Variants in PTPRG observed in about 807,000 individuals in gnomAD.
The protein encoded by PTPRG is protein tyrosine phosphatase receptor type G, also known as receptor-type tyrosine-protein phosphatase gamma.
Under a neutral mutation model 165.3 loss-of-function variants are expected in PTPRG, and 102 were observed. The observed-to-expected ratio is 0.62, with a 90% CI of 0.53 to 0.73. The LOEUF (loss-of-function observed/expected upper bound fraction) is 0.73. Among genes scored for constraint, PTPRG ranks in the 30% least tolerant of loss-of-function variants. The pLI is 0.00. For missense variants in PTPRG, 1,866 were observed against 1,861.4 expected (o/e 1.00, Z -0.05); for synonymous variants, 675 against 669.5 (o/e 1.01, Z -0.13).
chr3:61,880,835 G>C (rs1281275008), intron 2 of PTPRG, among the ~76,000 whole-genome samples: 1 of 152,054 alleles, frequency 6.6e-6, no homozygotes, highest in Non-Finnish European at 1.5e-5. Flanking sequence ...AGCATTCAGA[G>C]TAGTAACCAG....
At chr3:62,158,555 A>G (rs1029498945) in intron 7 of PTPRG, among the ~76,000 whole-genome samples, 3 of 152,186 alleles carry the variant, frequency 2.0e-5, no homozygotes, top group African/African-American at 4.8e-5. Flanking sequence ...CTTGGGTCAC[A>G]TGTCCATCTT....
chr3:61,896,971 A>C (rs1241534886), intron 2 of PTPRG, among the ~76,000 whole-genome samples: 1 of 150,390 alleles, frequency 6.6e-6, no homozygotes, highest in Non-Finnish European at 1.5e-5. Flanking sequence ...TATTCTGAAT[A>C]CTAGTCCTTT....
intron 8 of PTPRG, among the ~76,000 whole-genome samples, chr3:62,186,507 C>T (rs906623906): frequency 2.0e-5 from 3 of 149,604 alleles, no homozygotes; most frequent in Non-Finnish European, 4.4e-5. Context: ...CAGGAGGACA[C>T]GGGTGGCCCA....
intron 2 of PTPRG, among the ~76,000 whole-genome samples, chr3:61,844,243 C>T (rs1054141313): frequency 3.9e-5 from 6 of 152,074 alleles, no homozygotes; most frequent in South Asian, 2.1e-4. Context: ...GGATTACAGG[C>T]GTGAGCCACC....
chr3:62,017,955 A>T (rs1419182355), intron 4 of PTPRG, among the ~76,000 whole-genome samples: 2 of 152,166 alleles, frequency 1.3e-5, no homozygotes, highest in Admixed American at 1.3e-4. Context: ...AGCCATGAGA[A>T]TTGTATGCTG....
chr3:62,118,201 T>C (rs1352844092), intron 5 of PTPRG: 1 of 152,248 alleles, frequency 6.6e-6, no homozygotes, highest in African/African-American at 2.4e-5. Context: ...AAGGGCCAGA[T>C]TGTAATATTT....
chr3:62,225,725 G>A (rs1008003694), intron 13 of PTPRG, among the ~76,000 whole-genome samples: 2 of 147,090 alleles, frequency 1.4e-5, no homozygotes, highest in African/African-American at 2.5e-5. Flanking sequence ...GTGTGATCTC[G>A]GCTCACTGCA....
chr3:62,191,203 T>C (rs570091934), intron 8 of PTPRG, among the ~76,000 whole-genome samples: 58 of 148,308 alleles, frequency 3.9e-4, no homozygotes, highest in African/African-American at 1.2e-3. Context: ...GTATGTGCAT[T>C]TGTGTCCCGT....
In PTPRG at chr3:61,940,227, G is replaced by A. The variant is rs528857495; in HGVS notation, c.191-49398G>A. Reference sequence around the variant, plus strand: ...GGGTGGATGAAGTGCTGGGATTACAGGCGTGAGCCACCGTGCCCAGGCACT... The same window carrying A: ...GGGTGGATGAAGTGCTGGGATTACAAGCGTGAGCCACCGTGCCCAGGCACT... On this transcript the variant is annotated intron_variant, in intron 2 of 29. Coordinates refer to ENST00000474889, the MANE Select transcript of PTPRG (RefSeq NM_002841.4). 2.6e-5 allele frequency among the ~76,000 whole-genome samples: 4 copies of A among 152,238 alleles called. No individual in the cohort carries two copies. In the South Asian group the frequency reaches 8.3e-4, roughly 32 times the overall value.
At chr3:62,167,489 A>G (rs547231478) in intron 7 of PTPRG, among the ~76,000 whole-genome samples, 1 of 152,328 alleles carries the variant, frequency 6.6e-6, no homozygotes, top group Non-Finnish European at 1.5e-5. Context: ...AAATATTGTT[A>G]TGATTATCAC....
At chr3:61,634,807 G>T (rs1294770409) in intron 1 of PTPRG, among the ~76,000 whole-genome samples, 1 of 152,292 alleles carries the variant, frequency 6.6e-6, no homozygotes, top group East Asian at 1.9e-4. Context: ...ATAAGTCTGA[G>T]AAATAAACTG....
intron 3 of PTPRG, among the ~76,000 whole-genome samples, chr3:62,000,413 G>A (rs1168275064): frequency 6.6e-6 from 1 of 152,062 alleles, no homozygotes; most frequent in Non-Finnish European, 1.5e-5. Context: ...AATGTAGAAA[G>A]AACGGTGCAG....
intron 2 of PTPRG, among the ~76,000 whole-genome samples, chr3:61,882,220 T>C (rs1354520298): frequency 6.6e-6 from 1 of 152,238 alleles, no homozygotes; most frequent in Non-Finnish European, 1.5e-5. Flanking sequence ...AAATGGTGGG[T>C]CAGTCAACTG....
chr3:61,709,468 C>A (rs2031442104), intron 1 of PTPRG, among the ~76,000 whole-genome samples: 1 of 152,106 alleles, frequency 6.6e-6, no homozygotes, highest in Non-Finnish European at 1.5e-5. Context: ...GCATGCACCA[C>A]CACAGCTGGC....
At chr3:61,782,534 G>A (rs1185575542) in intron 2 of PTPRG, among the ~76,000 whole-genome samples, 1 of 152,198 alleles carries the variant, frequency 6.6e-6, no homozygotes, top group African/African-American at 2.4e-5. Context: ...AATGTCATGT[G>A]TATAAAGACG....
intron 2 of PTPRG, among the ~76,000 whole-genome samples, chr3:61,789,264 T>A (rs928403505): frequency 1.3e-5 from 2 of 152,114 alleles, no homozygotes; most frequent in African/African-American, 2.4e-5. Context: ...AATGCCTGGC[T>A]CATTTTTTAA....
At chr3:61,782,374 G>A (rs575161069) in intron 2 of PTPRG, among the ~76,000 whole-genome samples, 9 of 152,262 alleles carry the variant, frequency 5.9e-5, no homozygotes, top group Non-Finnish European at 1.3e-4. Flanking sequence ...AATAGATGAA[G>A]ACAATGCTTT....
chr3:62,086,341 G>C (rs1701752601), intron 5 of PTPRG, among the ~76,000 whole-genome samples: 1 of 151,574 alleles, frequency 6.6e-6, no homozygotes, highest in Non-Finnish European at 1.5e-5. Flanking sequence ...ACTCTGGAGA[G>C]AGAGAGAGAA....
At chr3:61,706,251 G>C (rs1164607909) in intron 1 of PTPRG, among the ~76,000 whole-genome samples, 1 of 152,104 alleles carries the variant, frequency 6.6e-6, no homozygotes, top group Non-Finnish European at 1.5e-5. Flanking sequence ...ATACAACTGG[G>C]AGCCGTCCCA....
Sources: gnomAD v4.1 joint callset for allele counts (sites outside exome capture counted in the v4.1 genomes callset) on GRCh38, gnomAD v4.1.1 for gene constraint, MANE v1.5 for transcripts, NCBI Gene and HGNC (gene_info 2026-07-23, HGNC 2026-07-21) for gene names.